BMPR1A: variants seen among roughly 807,000 people sequenced by gnomAD.
The protein encoded by BMPR1A is bone morphogenetic protein receptor type 1A.
In BMPR1A, 7 loss-of-function variants were observed where a neutral mutation model predicts 66.0. The ratio of observed to expected loss-of-function variants is 0.11; its 90% CI spans 0.06 to 0.20. The LOEUF (loss-of-function observed/expected upper bound fraction) is 0.20, where lower values mean the gene tolerates loss of function less well. BMPR1A is among the 10% of genes least tolerant of loss of function. The pLI is 1.00. For missense variants in BMPR1A, 408 were observed against 669.1 expected (o/e 0.61, Z 4.31); for synonymous variants, 200 against 229.7 (o/e 0.87, Z 1.17).
At chr10:86,923,552 C>G (rs776074554) in intron 12 of BMPR1A, 42 bp from the exon 13 acceptor site, 1 of 1,614,182 alleles carries the variant, frequency 6.2e-7, no homozygotes, top group South Asian at 1.1e-5. Context: ...TAAATGCCAC[C>G]AAATATATTC....
At chr10:86,828,694 T>G (rs1842229049) in intron 1 of BMPR1A, among the ~76,000 whole-genome samples, 1 of 152,166 alleles carries the variant, frequency 6.6e-6, no homozygotes, top group Non-Finnish European at 1.5e-5. Context: ...TTTTATGTGG[T>G]GAAATTATTC....
intron 1 of BMPR1A, among the ~76,000 whole-genome samples, chr10:86,827,882 G>A (rs745533105): frequency 6.6e-6 from 1 of 152,144 alleles, no homozygotes; most frequent in Non-Finnish European, 1.5e-5. Flanking sequence ...GGCCGGGCAC[G>A]GTGGTTTACA....
chr10:86,847,335 C>T (rs1842501512), intron 2 of BMPR1A, among the ~76,000 whole-genome samples: 1 of 151,804 alleles, frequency 6.6e-6, no homozygotes, highest in Non-Finnish European at 1.5e-5. Flanking sequence ...GCACTACTGT[C>T]TTATGGTTTC....
chr10:86,907,684 A>T (rs755150108), intron 7 of BMPR1A, among the ~76,000 whole-genome samples: 1 of 152,216 alleles, frequency 6.6e-6, no homozygotes, highest in African/African-American at 2.4e-5. Context: ...ATGGAACTGG[A>T]GTTCATTAAT....
At chr10:86,818,142 C>T (rs1210940274) in intron 1 of BMPR1A, among the ~76,000 whole-genome samples, 2 of 152,156 alleles carry the variant, frequency 1.3e-5, no homozygotes, top group Non-Finnish European at 2.9e-5. Context: ...CCTCAGCCTC[C>T]TAAGTAGCTA....
chr10:86,893,931 C>CAAACCTAATCTCTCTTT (rs1388988848), intron 5 of BMPR1A, among the ~76,000 whole-genome samples: 1 of 152,152 alleles, frequency 6.6e-6, no homozygotes, highest in Non-Finnish European at 1.5e-5. Flanking sequence ...CCATAGAGAA[C>CAAACCTAATCTCTCTTT]AAACCTAATC....
At chr10:86,884,686 A>T (rs1271584180) in intron 3 of BMPR1A, among the ~76,000 whole-genome samples, 2 of 152,046 alleles carry the variant, frequency 1.3e-5, no homozygotes, top group African/African-American at 4.8e-5. Flanking sequence ...AGGTGCTGGG[A>T]CTACAGGCGT....
intron 3 of BMPR1A, among the ~76,000 whole-genome samples, chr10:86,886,961 C>T (rs567677765): frequency 2.7e-5 from 4 of 150,844 alleles, no homozygotes; most frequent in African/African-American, 9.7e-5. Context: ...CACCTGAATA[C>T]TGGGATTACA....
intron 1 of BMPR1A, among the ~76,000 whole-genome samples, chr10:86,819,521 G>A (rs1214017652): frequency 6.6e-6 from 1 of 152,106 alleles, no homozygotes; most frequent in African/African-American, 2.4e-5. Context: ...GGATGGTCTC[G>A]ATCTCCTGAC....
At chr10:86,888,883 A>G (rs1383153168) in intron 3 of BMPR1A, among the ~76,000 whole-genome samples, 1 of 152,062 alleles carries the variant, frequency 6.6e-6, no homozygotes, top group African/African-American at 2.4e-5. Context: ...TAATCATCAA[A>G]ACACTATTTA....
intron 3 of BMPR1A, among the ~76,000 whole-genome samples, chr10:86,880,912 T>C (rs1168274810): frequency 6.6e-6 from 1 of 152,066 alleles, no homozygotes; most frequent in Non-Finnish European, 1.5e-5. Flanking sequence ...AGAAAAAAAC[T>C]AGTTAGGGCT....
At chr10:86,762,739 CTA>C (rs1564676101) in intron 1 of BMPR1A, among the ~76,000 whole-genome samples, 10 of 152,058 alleles carry the variant, frequency 6.6e-5, no homozygotes, top group Non-Finnish European at 1.3e-4. Flanking sequence ...ATGTTAAGAT[CTA>C]CAAAAAGGAA....
chr10:86,868,246 C>T (rs1384345272), intron 2 of BMPR1A, among the ~76,000 whole-genome samples: 1 of 152,176 alleles, frequency 6.6e-6, no homozygotes, highest in East Asian at 1.9e-4. Flanking sequence ...TGTGTATTAC[C>T]TCAGATACAC....
rs1564685696 is a variant in BMPR1A at position 86,790,231 on chromosome 10, ATAT to A, written c.-268+33313_-268+33315del. ...TATATATATATATATATATATATAT[ATAT>A]ATCAAAACCACAATGAGATTCTGCT... On this transcript the variant is annotated intron_variant, in intron 1 of 12. Transcript: ENST00000372037. Among the ~76,000 whole-genome samples the A allele has an allele frequency of 2.0e-3, 120 of 60,284 alleles. 22 individuals carry two copies. The highest frequency in any genetic ancestry group is 3.4e-3 in the South Asian group (4 of 1,166). 39.5% of individuals were successfully genotyped at this position (60,284 alleles called of 152,430 possible).
chr10:86,832,355 A>G lies in BMPR1A; in HGVS notation c.-267-6510A>G, dbSNP rs1220546868. On this transcript the variant is annotated intron_variant, in intron 1 of 12. Coordinates refer to ENST00000372037, the MANE Select transcript of BMPR1A (RefSeq NM_004329.3). ...ATGGCACATGCCTGTAGTCCCAGCTACTTGGGAGGCTGAGGCAGGAGAATT... is the reference window on the plus strand; with the variant it reads ...ATGGCACATGCCTGTAGTCCCAGCTGCTTGGGAGGCTGAGGCAGGAGAATT... 2.0e-5 allele frequency among the ~76,000 whole-genome samples: 3 copies of G among 152,038 alleles called. No homozygotes were observed. In the East Asian group the frequency reaches 5.8e-4, roughly 29 times the overall value.
intron 1 of BMPR1A, among the ~76,000 whole-genome samples, chr10:86,800,791 A>C (rs1841801612): frequency 6.6e-6 from 1 of 152,234 alleles, no homozygotes; most frequent in Non-Finnish European, 1.5e-5. Context: ...GTTTCTTAGG[A>C]GTTAAGACAT....
chr10:86,913,409 T>G (rs1328106512), intron 8 of BMPR1A, among the ~76,000 whole-genome samples: 1 of 151,472 alleles, frequency 6.6e-6, no homozygotes, highest in Non-Finnish European at 1.5e-5. Context: ...ATTACAGGTG[T>G]GAACCACCGC....
At chr10:86,865,458 C>A (rs1469890491) in intron 2 of BMPR1A, among the ~76,000 whole-genome samples, 1 of 152,164 alleles carries the variant, frequency 6.6e-6, no homozygotes, top group Admixed American at 6.5e-5. Flanking sequence ...CCTTTATCTA[C>A]CCAAATCCTA....
chr10:86,895,948 G>A (rs1008706188), intron 5 of BMPR1A, among the ~76,000 whole-genome samples: 5 of 152,132 alleles, frequency 3.3e-5, no homozygotes, highest in Admixed American at 6.5e-5. Context: ...GAGGTCAGGA[G>A]TTTCAGACTA....
Sources: gnomAD v4.1 joint callset for allele counts (sites outside exome capture counted in the v4.1 genomes callset) on GRCh38, gnomAD v4.1.1 for gene constraint, MANE v1.5 for transcripts, NCBI Gene and HGNC (gene_info 2026-07-23, HGNC 2026-07-21) for gene names.